The following EPRS1 variants were observed in gnomAD, a reference collection of about 807,000 sequenced individuals.
EPRS1 encodes bifunctional glutamate/proline--tRNA ligase.
A neutral mutation model predicts 188.3 loss-of-function variants in EPRS1; 107 were observed. The ratio of observed to expected loss-of-function variants is 0.57; its 90% CI spans 0.49 to 0.67. The LOEUF (loss-of-function observed/expected upper bound fraction) is 0.67. Ranked by LOEUF, EPRS1 falls within the 30% of genes least tolerant of loss-of-function variation. The probability of loss-of-function intolerance (pLI) is 0.00; values close to 1 mark genes in which losing one functional copy is unlikely to be tolerated. For missense variants in EPRS1, 1,577 were observed against 1,802.2 expected, an observed-to-expected ratio of 0.88 and a Z score of 2.26; for synonymous variants, 596 against 593.1, an observed-to-expected ratio of 1.00 and a Z score of -0.07.
At position 219,988,838 on chromosome 1, in the gene EPRS1, AG is replaced by A; in HGVS notation, c.2542-16del. The A allele has an allele frequency of 6.6e-7, 1 of 1,506,292 alleles. No homozygotes were observed. The highest frequency in any genetic ancestry group is 9.0e-7 in the Non-Finnish European group (1 of 1,107,714). The allele number at this position is 1,506,292 out of a possible 1,614,324, so 93.3% of individuals were successfully genotyped here. A position where few individuals can be genotyped will look rare whatever the true frequency, so the allele number is the denominator to read the frequency against. On this transcript the variant is annotated splice_polypyrimidine_tract_variant and intron_variant, in intron 18 of 31. Transcript: ENST00000366923. Reference sequence around the variant, plus strand: ...TTTATTTTAGCCTAAAATAAAAGAGAGAAAGAGATATTTATAAAACTTTGGA... The same window carrying A: ...TTTATTTTAGCCTAAAATAAAAGAGAAAAGAGATATTTATAAAACTTTGGA...
chr1:219,982,947 AT>A, intron 22 of EPRS1, 103 bp from the exon 23 acceptor site: 1 of 1,069,378 alleles, frequency 9.4e-7, no homozygotes, highest in Non-Finnish European at 1.4e-6. Flanking sequence ...TGCTATATCA[AT>A]TTAGGCAAGT....
At position 219,983,274 on chromosome 1, in the gene EPRS1, C is replaced by T. The variant is rs141360496; in HGVS notation, c.3215G>A (p.Gly1072Asp). 1.2e-4 allele frequency: 190 copies of T among 1,614,088 alleles called. No individual in the cohort carries two copies. The African/African-American group carries it at 1.9e-3, about 16-fold the overall frequency. The change falls in exon 22 of 32, where the codon GGT (glycine) becomes GAT (aspartate). Residue 1072 changes from glycine (G) to aspartate (D), a missense_variant. By Grantham distance (94) the Gly-to-Asp change is moderately conservative. Coordinates refer to ENST00000366923, the MANE Select transcript of EPRS1 (RefSeq NM_004446.3). ...DFFDAEIKKLGVENCYFPMFV... is the reference protein window; with the variant it reads ...DFFDAEIKKLDVENCYFPMFV... Reference sequence around the variant, plus strand: ...CATGGGGAAGTAGCAGTTTTCAACACCAAGTTTCTTGATCTCAGCATCAAA... The same window carrying T: ...CATGGGGAAGTAGCAGTTTTCAACATCAAGTTTCTTGATCTCAGCATCAAA...
At chr1:220,009,768 C>T (rs773367646) in intron 13 of EPRS1, among the ~76,000 whole-genome samples, 1 of 151,908 alleles carries the variant, frequency 6.6e-6, no homozygotes, top group Non-Finnish European at 1.5e-5. Context: ...CACAGCTTAA[C>T]AAAAAAGTAC....
chr1:220,017,135 C>G (rs908950182), intron 12 of EPRS1, among the ~76,000 whole-genome samples: 1 of 152,082 alleles, frequency 6.6e-6, no homozygotes, highest in African/African-American at 2.4e-5. Flanking sequence ...ATCGCTTGAA[C>G]CCGGGAGGCA....
Position 220,005,328 on chromosome 1 carries a change from A to T in EPRS1, c.1983T>A (p.Leu661=). ...HEELMLGDPC[L]KDLKKGDIIQ... ...TAATATCTCCTTTTTTCAAATCCTT[A>T]AGGCAGGGATCCCCTAGCATTAGCT... Residue 661 remains leucine, a synonymous_variant, in exon 16 of 32, where the codon CTT becomes CTA. Coordinates refer to ENST00000366923, the MANE Select transcript of EPRS1 (RefSeq NM_004446.3). 6.3e-7 allele frequency: 1 copy of T among 1,597,116 alleles called. No individual in the cohort carries two copies. Among genetic ancestry groups the T allele is most frequent in the Non-Finnish European group, 8.5e-7 (1 of 1,170,466 alleles).
chr1:220,018,829 T>TAAAA (rs34224725), intron 11 of EPRS1, among the ~76,000 whole-genome samples, 166 bp downstream of exon 11: 105 of 136,146 alleles, frequency 7.7e-4, no homozygotes, highest in Admixed American at 2.3e-3. Context: ...TGATAAACTT[T>TAAAA]AAAAAAAAAA....
At chr1:219,995,334 A>G (rs1347442954) in intron 18 of EPRS1, among the ~76,000 whole-genome samples, 1 of 152,214 alleles carries the variant, frequency 6.6e-6, no homozygotes, top group Non-Finnish European at 1.5e-5. Context: ...TTCTGTTACT[A>G]TTCCACCCAT....
At chr1:220,012,350 T>A (rs555323831) in intron 12 of EPRS1, among the ~76,000 whole-genome samples, 1 of 152,298 alleles carries the variant, frequency 6.6e-6, no homozygotes, top group Non-Finnish European at 1.5e-5. Context: ...CAGTAAGACA[T>A]AATTTCTTTA....
At chr1:220,039,817 G>A (rs1034600417) in intron 2 of EPRS1, among the ~76,000 whole-genome samples, 3 of 152,048 alleles carry the variant, frequency 2.0e-5, no homozygotes, top group African/African-American at 2.4e-5. Context: ...CGCGCCCGGC[G>A]ATGCCGAATA....
chr1:219,996,426 CAGT>C (rs1260878015), intron 18 of EPRS1, among the ~76,000 whole-genome samples: 3 of 152,174 alleles, frequency 2.0e-5, no homozygotes, highest in Non-Finnish European at 2.9e-5. Context: ...GTCCCTGGGA[CAGT>C]AGCATCTGCA....
chr1:220,040,904 G>A (rs1197164365), intron 1 of EPRS1, among the ~76,000 whole-genome samples: 1 of 148,560 alleles, frequency 6.7e-6, no homozygotes, highest in African/African-American at 2.5e-5. Flanking sequence ...TTAATATGTT[G>A]ACCTTGGATT....
chr1:220,040,537 C>G (rs1662271671), intron 1 of EPRS1, among the ~76,000 whole-genome samples: 1 of 152,184 alleles, frequency 6.6e-6, no homozygotes. Flanking sequence ...CTGCTTCTCC[C>G]TTCGGAGACA....
At chr1:220,044,681 C>CAAAAAAAAAAAAAAAAAAAAAAAA (rs71560597) in intron 1 of EPRS1, among the ~76,000 whole-genome samples, 3 of 88,330 alleles carry the variant, frequency 3.4e-5, no homozygotes, top group African/African-American at 1.2e-4. Flanking sequence ...GCTCGGTCTC[C>CAAAAAAAAAAAAAAAAAAAAAAAA]AAAAAAAAAA....
rs148346959 is a variant in EPRS1 at position 220,032,872 on chromosome 1, C to CTG, written c.389-348_389-347dup. On this transcript the variant is annotated intron_variant, in intron 4 of 31. Coordinates refer to ENST00000366923, the MANE Select transcript of EPRS1 (RefSeq NM_004446.3). ...CTTGATTGTAACCATAGTTCCACAGCTGTGTGTGTGTGTGTATGTATATAT... is the reference window on the plus strand; with the variant it reads ...CTTGATTGTAACCATAGTTCCACAGCTGTGTGTGTGTGTGTGTATGTATATAT... Among the ~76,000 whole-genome samples, 38 of 150,822 alleles carry CTG rather than the reference C, an allele frequency of 2.5e-4. No homozygotes were observed. The South Asian group carries it at 4.2e-3, about 17-fold the overall frequency.
chr1:220,039,781 G>C (rs1662258348), intron 2 of EPRS1, among the ~76,000 whole-genome samples: 1 of 152,186 alleles, frequency 6.6e-6, no homozygotes, highest in African/African-American at 2.4e-5. Flanking sequence ...GCCTCCCAAA[G>C]TGCCGGGATT....
At chr1:220,026,004 A>G (rs1661965000) in intron 6 of EPRS1, among the ~76,000 whole-genome samples, 2 of 152,156 alleles carry the variant, frequency 1.3e-5, no homozygotes, top group South Asian at 2.1e-4. Context: ...CATGTTGGCC[A>G]GGATGGTCTC....
At position 219,972,083 on chromosome 1, in the gene EPRS1, G is replaced by A. The variant is rs148671123; in HGVS notation, c.4309C>T (p.Leu1437=). 82 of 1,593,198 alleles carry A rather than the reference G, an allele frequency of 5.1e-5. No individual in the cohort carries two copies. In the African/African-American group the frequency reaches 1.1e-3, roughly 20 times the overall value. ...AACTCTCTGACCTTTCCAGAATCTA[G>A]TATCTTCTGAAAGTCTTCCATTGTA... ...ANTMEDFQKI[L]DSGKIVQIPF... Residue 1437 remains leucine, a synonymous_variant, in exon 30 of 32, where the codon CTA becomes TTA. Coordinates refer to ENST00000366923, the MANE Select transcript of EPRS1 (RefSeq NM_004446.3).
At chr1:219,971,931 A>G (rs1660676156) in intron 30 of EPRS1, 138 bp downstream of exon 30, 1 of 382,308 alleles carries the variant, frequency 2.6e-6, no homozygotes, top group East Asian at 4.1e-5. Flanking sequence ...TTATACGTAC[A>G]TATAAATGTT....
chr1:220,006,365 AATTC>A (rs772650480), intron 14 of EPRS1, 52 bp from the exon 15 acceptor site: 7 of 658,458 alleles, frequency 1.1e-5, no homozygotes, highest in African/African-American at 9.4e-5. Flanking sequence ...AGCTGCCATA[AATTC>A]ATTATTTTGT....
Sources: allele counts gnomAD v4.1 joint callset (sites outside exome capture counted in the v4.1 genomes callset), GRCh38; gene constraint gnomAD v4.1.1; transcripts MANE v1.5; gene names NCBI Gene and HGNC (gene_info 2026-07-23, HGNC 2026-07-21).